NCOR1: variants seen among roughly 807,000 people sequenced by gnomAD.
NCOR1 encodes nuclear receptor corepressor 1.
A neutral mutation model predicts 288.1 loss-of-function variants in NCOR1; 63 were observed. That is an observed-to-expected ratio of 0.22 (90% confidence interval 0.18 to 0.27). The LOEUF is 0.27. Among genes scored for constraint, NCOR1 ranks in the 10% least tolerant of loss-of-function variants. The pLI is 1.00. For missense variants in NCOR1, 2,397 were observed against 3,019.2 expected, an observed-to-expected ratio of 0.79 and a Z score of 4.83; for synonymous variants, 1,007 against 1,065.9, an observed-to-expected ratio of 0.94 and a Z score of 1.08.
chr17:16,119,424 T>A lies in NCOR1; in HGVS notation c.1914A>T (p.Lys638Asn). 6.2e-7 allele frequency: 1 copy of A among 1,604,516 alleles called. No individual in the cohort carries two copies. The highest frequency in any genetic ancestry group is 8.5e-7 in the Non-Finnish European group (1 of 1,173,476). The change falls in exon 17 of 46, where the codon AAA (lysine) becomes AAT (asparagine). Residue 638 changes from lysine (K) to asparagine (N), a missense_variant and splice_region_variant. Lys to Asn is a moderately conservative substitution (Grantham distance 94). Transcript: ENST00000268712. ...WTEEEMEVAK[K>N]GLVEHGRNWA... ...GAAACCAGAACTACTACAATTTACC[T>A]TTTTTAGCAACTTCCATTTCTTCTT...
At chr17:16,153,457 A>G in intron 6 of NCOR1, 62 bp from the exon 7 acceptor site, 1 of 1,105,404 alleles carries the variant, frequency 9.0e-7, no homozygotes, top group Non-Finnish European at 1.3e-6. Context: ...GTGCAAAATA[A>G]TTATTTAGAA....
chr17:16,035,258 T>C (rs574671455), intron 44 of NCOR1, among the ~76,000 whole-genome samples: 11 of 152,334 alleles, frequency 7.2e-5, no homozygotes, highest in Non-Finnish European at 1.0e-4. Flanking sequence ...ATTTGTAGCA[T>C]GCAATGATAG....
chr17:16,144,728 T>C (rs75780247), intron 10 of NCOR1, among the ~76,000 whole-genome samples: 11,793 of 150,978 alleles, frequency 0.078, 681 homozygotes, highest in African/African-American at 0.17. Context: ...TCCCTCTCTC[T>C]CCTCTCCCTC....
chr17:16,145,414 G>A (rs541783726), intron 10 of NCOR1, among the ~76,000 whole-genome samples: 2 of 151,076 alleles, frequency 1.3e-5, no homozygotes, highest in African/African-American at 4.8e-5. Flanking sequence ...GGGAAGTGAG[G>A]AGCGTCTCTG....
chr17:16,145,849 TAG>T (rs1474391756), intron 10 of NCOR1, among the ~76,000 whole-genome samples: 2 of 151,908 alleles, frequency 1.3e-5, no homozygotes, highest in Non-Finnish European at 1.5e-5. Flanking sequence ...TTTTGTCGAC[TAG>T]AGAGGGGGGG....
chr17:16,091,183 C>T (rs555511479), intron 22 of NCOR1, among the ~76,000 whole-genome samples: 7 of 152,224 alleles, frequency 4.6e-5, no homozygotes, highest in Middle Eastern at 3.4e-3. Flanking sequence ...ACAGGTACCT[C>T]CATAGTATCT....
intron 10 of NCOR1, among the ~76,000 whole-genome samples, chr17:16,144,531 T>A (rs1262029280): frequency 1.3e-5 from 2 of 152,160 alleles, no homozygotes; most frequent in Non-Finnish European, 2.9e-5. Flanking sequence ...TACAGATTAT[T>A]TCATCACTCT....
Position 16,177,984 on chromosome 17 carries a change from C to T in NCOR1, c.243-5989G>A, listed in dbSNP as rs566576241. Among the ~76,000 whole-genome samples, 7 of 151,926 alleles carry T rather than the reference C, an allele frequency of 4.6e-5. No individual in the cohort carries two copies. The South Asian group carries it at 1.0e-3, about 23-fold the overall frequency. On this transcript the variant is annotated intron_variant, in intron 3 of 45. Coordinates refer to ENST00000268712, the MANE Select transcript of NCOR1 (RefSeq NM_006311.4). ...CAGCATTTTGGGAGGCTGAGGCGGGCGGATCACCTGAGGTCAGGAGTTCGA... is the reference window on the plus strand; with the variant it reads ...CAGCATTTTGGGAGGCTGAGGCGGGTGGATCACCTGAGGTCAGGAGTTCGA...
chr17:16,167,859 C>CAAAAAA (rs71299856), intron 4 of NCOR1, among the ~76,000 whole-genome samples: 2 of 62,632 alleles, frequency 3.2e-5, no homozygotes, highest in Non-Finnish European at 5.8e-5. Context: ...GACTCCATCT[C>CAAAAAA]AAAAAAAAAA....
chr17:16,146,580 TTAAAC>T (rs947099350), intron 9 of NCOR1, 32 bp from the exon 10 acceptor site: 6 of 1,530,140 alleles, frequency 3.9e-6, no homozygotes, highest in Non-Finnish European at 5.3e-6. Context: ...TTAATAATAA[TTAAAC>T]TAAACTCTGA....
chr17:16,101,237 G>A lies in NCOR1; in HGVS notation c.2690+13C>T. On this transcript the variant is annotated intron_variant, in intron 20 of 45. Transcript: ENST00000268712. ...AGAGTAAGCACGGGGAGGACTTATG[G>A]AACGAGCCTCACCTCTGCCTCTCTG... 3 of 1,563,752 alleles carry A rather than the reference G, an allele frequency of 1.9e-6. No individual in the cohort carries two copies. The highest frequency in any genetic ancestry group is 2.6e-6 in the Non-Finnish European group (3 of 1,156,240).
Position 16,059,377 on chromosome 17 carries a change from CA to C in NCOR1, c.5882-779del, listed in dbSNP as rs1333648756. On this transcript the variant is annotated intron_variant, in intron 37 of 45. Coordinates refer to ENST00000268712, the MANE Select transcript of NCOR1 (RefSeq NM_006311.4). ...TCTCAAATAAATGGAGTATTGCTAA[CA>C]AAACTTACTCCAAACATTAATAATT... Among the ~76,000 whole-genome samples, 6 of 152,104 alleles carry C rather than the reference CA, an allele frequency of 3.9e-5. No homozygotes were observed. In the East Asian group the frequency reaches 1.2e-3, roughly 29 times the overall value.
intron 2 of NCOR1, among the ~76,000 whole-genome samples, chr17:16,191,584 T>C (rs1272506368): frequency 8.1e-6 from 1 of 123,130 alleles, no homozygotes; most frequent in Non-Finnish European, 1.8e-5. Context: ...ATGAAGCTAA[T>C]GGATTTAAAA....
intron 10 of NCOR1, among the ~76,000 whole-genome samples, chr17:16,144,568 A>G (rs2153321970): frequency 6.6e-6 from 1 of 152,150 alleles, no homozygotes; most frequent in East Asian, 1.9e-4. Flanking sequence ...CCCACTAGCT[A>G]TTTTTCCTGA....
Position 16,101,483 on chromosome 17 carries a change from A to T in NCOR1, c.2457T>A (p.Ala819=). 1 of 1,614,196 alleles carries T rather than the reference A, an allele frequency of 6.2e-7. No individual in the cohort carries two copies. The highest frequency in any genetic ancestry group is 1.1e-5 in the South Asian group (1 of 91,082). Residue 819 remains alanine (A), a synonymous_variant, in exon 20 of 46, where the codon GCT becomes GCA. Coordinates refer to ENST00000268712, the MANE Select transcript of NCOR1 (RefSeq NM_006311.4). ...CCCTCACTTCAACGTCCACAGAGTC[A>T]GCTTTGGTAGCGGGTGGGGGATCAC... ...SVCDPPPATK[A]DSVDVEVRVP...
intron 22 of NCOR1, 23 bp from the exon 23 acceptor site, chr17:16,086,465 A>C (rs1339877425): frequency 6.3e-7 from 1 of 1,595,508 alleles, no homozygotes; most frequent in East Asian, 2.2e-5. Flanking sequence ...AAGAAAAATG[A>C]TTTTAAACTA....
intron 4 of NCOR1, among the ~76,000 whole-genome samples, chr17:16,167,751 T>C (rs1007328355): frequency 6.7e-6 from 1 of 148,292 alleles, no homozygotes; most frequent in African/African-American, 2.5e-5. Flanking sequence ...TCCCAGCTAC[T>C]TGGGAGGCTG....
At chr17:16,100,158 A>T (rs1333580587) in intron 20 of NCOR1, among the ~76,000 whole-genome samples, 1 of 152,206 alleles carries the variant, frequency 6.6e-6, no homozygotes, top group Non-Finnish European at 1.5e-5. Flanking sequence ...ATTTGCACCA[A>T]TTTATCATTC....
chr17:16,037,316 A>G (rs2056605894), intron 44 of NCOR1, among the ~76,000 whole-genome samples: 1 of 152,226 alleles, frequency 6.6e-6, no homozygotes, highest in Non-Finnish European at 1.5e-5. Flanking sequence ...TGTGAGAATT[A>G]CCAAAATATG....
Sources: gnomAD v4.1 joint callset for allele counts (sites outside exome capture counted in the v4.1 genomes callset) on GRCh38, gnomAD v4.1.1 for gene constraint, MANE v1.5 for transcripts, NCBI Gene and HGNC (gene_info 2026-07-23, HGNC 2026-07-21) for gene names.